The following PLCXD2 variants were observed in gnomAD, a reference collection of about 807,000 sequenced individuals.
PLCXD2 encodes PI-PLC X domain-containing protein 2.
PLCXD2 carries 21 observed loss-of-function variants against 28.6 expected under a neutral mutation model. The observed-to-expected ratio is 0.73, with a 90% CI of 0.52 to 1.06. The LOEUF (loss-of-function observed/expected upper bound fraction) is 1.06. PLCXD2 is among the 50% of genes least tolerant of loss of function. The pLI, the probability that PLCXD2 is intolerant of heterozygous loss-of-function variation, is 0.00. For missense variants in PLCXD2, 369 were observed against 376.7 expected (o/e 0.98, Z 0.17); for synonymous variants, 140 against 150.1 (o/e 0.93, Z 0.49).
chr3:111,681,567 C>G (rs1475367361), intron 1 of PLCXD2, among the ~76,000 whole-genome samples: 1 of 152,148 alleles, frequency 6.6e-6, no homozygotes, highest in Non-Finnish European at 1.5e-5. Context: ...CCCACACATG[C>G]AACACACATG....
In PLCXD2 at chr3:111,675,425, A is replaced by G. The variant is rs1231884537; in HGVS notation, c.163+17A>G. 1 of 1,613,188 alleles carries G rather than the reference A, an allele frequency of 6.2e-7. No homozygotes were observed. Among genetic ancestry groups the G allele is most frequent in the Admixed American group, 1.7e-5 (1 of 59,966 alleles). On this transcript the variant is annotated intron_variant, in intron 1 of 4. Coordinates refer to ENST00000477665, the MANE Select transcript of PLCXD2 (RefSeq NM_001185106.1). Reference sequence around the variant, plus strand: ...CAATCCCAGGTATTCGTCTATTCCTACTTGTTCCCACTGTGTTTAATTCTG... The same window carrying G: ...CAATCCCAGGTATTCGTCTATTCCTGCTTGTTCCCACTGTGTTTAATTCTG...
At chr3:111,704,597 A>G (rs1941090408) in intron 1 of PLCXD2, among the ~76,000 whole-genome samples, 2 of 152,160 alleles carry the variant, frequency 1.3e-5, no homozygotes, top group Admixed American at 6.5e-5. Context: ...GCACATATTT[A>G]TGGGATACAG....
intron 1 of PLCXD2, among the ~76,000 whole-genome samples, chr3:111,684,316 G>C (rs1940761070): frequency 6.9e-6 from 1 of 144,928 alleles, no homozygotes; most frequent in South Asian, 2.2e-4. Flanking sequence ...CTGACAGAGT[G>C]AGACTCCATC....
rs1021256029 is a variant in PLCXD2 at position 111,714,839 on chromosome 3, T to C, written c.866+711T>C. Among the ~76,000 whole-genome samples, 5 of 152,210 alleles carry C rather than the reference T, an allele frequency of 3.3e-5. No individual in the cohort carries two copies. In the East Asian group the frequency reaches 9.6e-4, roughly 29 times the overall value. ...GTACCTGTACATGTGTATGTGTATA[T>C]GTATATGTATAAAAGGAATGTTATA... On this transcript the variant is annotated intron_variant, in intron 3 of 4. Transcript: ENST00000477665.
At chr3:111,717,640 G>C (rs1941285888) in intron 3 of PLCXD2, among the ~76,000 whole-genome samples, 1 of 152,106 alleles carries the variant, frequency 6.6e-6, no homozygotes. Flanking sequence ...CAGGCTCCAG[G>C]GATCCTCCAA....
chr3:111,688,367 T>C (rs1940825892), intron 1 of PLCXD2, among the ~76,000 whole-genome samples: 1 of 152,202 alleles, frequency 6.6e-6, no homozygotes, highest in Admixed American at 6.5e-5. Flanking sequence ...AAGGAAGAGG[T>C]GCATGGAGCA....
chr3:111,701,664 T>C (rs1320458293), intron 1 of PLCXD2, among the ~76,000 whole-genome samples: 1 of 152,180 alleles, frequency 6.6e-6, no homozygotes, highest in Non-Finnish European at 1.5e-5. Context: ...TTAGGGTTTC[T>C]GTTTGTTTGG....
At chr3:111,690,745 GA>G (rs1459590870) in intron 1 of PLCXD2, among the ~76,000 whole-genome samples, 1 of 152,116 alleles carries the variant, frequency 6.6e-6, no homozygotes, top group South Asian at 2.1e-4. Flanking sequence ...ACAGGAAAGA[GA>G]AAAAAACCTC....
chr3:111,707,479 A>G (rs372590428), intron 1 of PLCXD2, among the ~76,000 whole-genome samples: 2 of 152,334 alleles, frequency 1.3e-5, no homozygotes, highest in East Asian at 1.9e-4. Flanking sequence ...GCATTCTTCT[A>G]TAAGAGACAC....
chr3:111,709,458 G>A (rs1213898353), intron 2 of PLCXD2, among the ~76,000 whole-genome samples: 1 of 130,102 alleles, frequency 7.7e-6, no homozygotes, highest in East Asian at 1.9e-4. Context: ...CCATATATGT[G>A]TGTGTATATA....
chr3:111,675,536 A>C, intron 1 of PLCXD2, 128 bp downstream of exon 1: 1 of 1,107,764 alleles, frequency 9.0e-7, no homozygotes, highest in Non-Finnish European at 1.4e-6. Context: ...TTTCCAAACC[A>C]AAAACTTAAC....
intron 2 of PLCXD2, 28 bp from the exon 3 acceptor site, chr3:111,713,859 T>C (rs1576463621): frequency 6.3e-7 from 1 of 1,599,766 alleles, no homozygotes; most frequent in South Asian, 1.1e-5. Flanking sequence ...TATGGATTGC[T>C]CTCCTTTTTG....
At position 111,708,247 on chromosome 3, in the gene PLCXD2, T is replaced by C. The variant is rs1243592433; in HGVS notation, c.485T>C (p.Phe162Ser). Residue 162 changes from phenylalanine to serine, a missense_variant, in exon 2 of 5, where the codon TTC becomes TCC. Transcript: ENST00000477665. The stretch of plus-strand genomic sequence containing the variant: ...CCCCAGGAGATTATCTTCCTGGATT[T>C]CAACCACTTCTATGCCATGGATGAG... The C allele has an allele frequency of 6.2e-7, 1 of 1,614,026 alleles. No individual in the cohort carries two copies. The highest frequency in any genetic ancestry group is 2.2e-5 in the East Asian group (1 of 44,880).
intron 2 of PLCXD2, among the ~76,000 whole-genome samples, chr3:111,708,872 TAGAG>T (rs367869512): frequency 2.2e-3 from 340 of 152,192 alleles, no homozygotes; most frequent in African/African-American, 7.7e-3. Flanking sequence ...ATTTGGGTCT[TAGAG>T]GGAGAGAGAG....
At chr3:111,676,630 A>G (rs1414704858) in intron 1 of PLCXD2, 1 of 152,164 alleles carries the variant, frequency 6.6e-6, no homozygotes, top group African/African-American at 2.4e-5. Context: ...CATTGACTAC[A>G]GTTCCTTGGG....
chr3:111,726,305 C>T (rs1941414297), intron 3 of PLCXD2: 1 of 155,226 alleles, frequency 6.4e-6, no homozygotes. Context: ...TGCTATTATA[C>T]TTAGTAACTT....
At chr3:111,715,824 T>G (rs1941259750) in intron 3 of PLCXD2, among the ~76,000 whole-genome samples, 1 of 152,206 alleles carries the variant, frequency 6.6e-6, no homozygotes, top group African/African-American at 2.4e-5. Context: ...CTGCATATTT[T>G]TGTGCTTATT....
chr3:111,711,415 A>G (rs113767810), intron 2 of PLCXD2, among the ~76,000 whole-genome samples: 14 of 152,230 alleles, frequency 9.2e-5, no homozygotes, highest in African/African-American at 3.4e-4. Context: ...AAAAAAATAA[A>G]TAAATAAAAT....
chr3:111,680,574 A>G (rs899735795), intron 1 of PLCXD2, among the ~76,000 whole-genome samples: 1 of 152,134 alleles, frequency 6.6e-6, no homozygotes, highest in African/African-American at 2.4e-5. Flanking sequence ...AAAAGACACT[A>G]TGACTGTGGT....
Sources: allele counts gnomAD v4.1 joint callset (sites outside exome capture counted in the v4.1 genomes callset), GRCh38; gene constraint gnomAD v4.1.1; transcripts MANE v1.5; gene names NCBI Gene and HGNC (gene_info 2026-07-23, HGNC 2026-07-21).